SYDE2: variants seen among roughly 807,000 people sequenced by gnomAD.
SYDE2 encodes synapse defective Rho GTPase homolog 2, also known as rho GTPase-activating protein SYDE2.
SYDE2 carries 76 observed loss-of-function variants against 91.5 expected under a neutral mutation model. The ratio of observed to expected loss-of-function variants is 0.83; its 90% CI spans 0.69 to 1.01. The LOEUF (loss-of-function observed/expected upper bound fraction) is 1.01, where lower values mean the gene tolerates loss of function less well. Among genes scored for constraint, SYDE2 ranks in the 50% least tolerant of loss-of-function variants. SYDE2 has a pLI of 0.00. For missense variants in SYDE2, 1,364 were observed against 1,367.7 expected (o/e 1.00, Z 0.04); for synonymous variants, 513 against 506.4 (o/e 1.01, Z -0.18).
intron 4 of SYDE2, among the ~76,000 whole-genome samples, chr1:85,176,439 C>T (rs1169307130): frequency 1.3e-5 from 2 of 152,116 alleles, no homozygotes; most frequent in East Asian, 1.9e-4. Context: ...GATGAAAATA[C>T]AGTCATTCAG....
At chr1:85,171,157 G>A (rs1657494456) in intron 4 of SYDE2, among the ~76,000 whole-genome samples, 1 of 152,084 alleles carries the variant, frequency 6.6e-6, no homozygotes, top group African/African-American at 2.4e-5. Context: ...GGGCATTCAA[G>A]GCTGCTGGAT....
chr1:85,189,837 AAAAAT>A (rs973521243), intron 2 of SYDE2, among the ~76,000 whole-genome samples: 53 of 152,344 alleles, frequency 3.5e-4, no homozygotes, highest in African/African-American at 1.3e-3. Context: ...CCTTTCTCAA[AAAAAT>A]AAAATAAAAA....
chr1:85,197,412 T>C (rs1355238708), intron 1 of SYDE2, among the ~76,000 whole-genome samples: 1 of 152,186 alleles, frequency 6.6e-6, no homozygotes, highest in Non-Finnish European at 1.5e-5. Flanking sequence ...AAATTCTAAA[T>C]GTAATTTTGA....
In SYDE2 at chr1:85,159,225, G is replaced by C. The variant is rs773957446; in HGVS notation, c.3110C>G (p.Ser1037Ter). The change falls in exon 7 of 7, where the codon TCA (serine) becomes TGA (stop). Residue 1037 changes from serine (S) to a stop codon, truncating the protein, a stop_gained. Transcript: ENST00000341460. LOFTEE classifies it high-confidence loss of function. ...CTGCTCTGGGAATAAATTGTCTGTT[G>C]ATTTTTTGACAGTTAAACGCTGCAC... ...WPVQRLTVKK[S>*]TDNLFPEQKS... 1.3e-6 allele frequency: 1 copy of C among 780,102 alleles called. No individual in the cohort carries two copies. Among genetic ancestry groups the C allele is most frequent in the Non-Finnish European group, 2.4e-6 (1 of 417,856 alleles). 48.3% of individuals were successfully genotyped at this position (780,102 alleles called of 1,614,324 possible).
intron 1 of SYDE2, 104 bp downstream of exon 1, chr1:85,200,148 T>C: frequency 1.3e-6 from 2 of 1,571,936 alleles, no homozygotes; most frequent in South Asian, 1.2e-5. Context: ...CCCGGTAACG[T>C]ACCTGTCGCA....
At chr1:85,154,917 G>C (rs561580335), downstream of SYDE2, among the ~76,000 whole-genome samples, 1 of 148,662 alleles carries the variant, frequency 6.7e-6, no homozygotes, top group East Asian at 2.0e-4. Context: ...AGGACTCCTA[G>C]TTTCTCTCCC....
chr1:85,158,898 C>A lies in SYDE2; in HGVS notation c.3437G>T (p.Cys1146Phe), dbSNP rs1168392039. 1 of 780,190 alleles carries A rather than the reference C, an allele frequency of 1.3e-6. No homozygotes were observed. The highest frequency in any genetic ancestry group is 1.7e-5 in the African/African-American group (1 of 59,096). 48.3% of individuals were successfully genotyped at this position (780,190 alleles called of 1,614,324 possible). Residue 1146 changes from cysteine to phenylalanine, a missense_variant, in exon 7 of 7, where the codon TGT (cysteine) becomes TTT (phenylalanine). Cys to Phe is a radical substitution (Grantham distance 205, BLOSUM62 -2). Transcript: ENST00000341460. ...CATTGTCAAATATGTCTGAAATGTACACTCTTTGGACATGGGAATTGGCTG... is the reference window on the plus strand; with the variant it reads ...CATTGTCAAATATGTCTGAAATGTAAACTCTTTGGACATGGGAATTGGCTG... ...IEQPIPMSKECTFQTYLTMQT... is the reference protein window; with the variant it reads ...IEQPIPMSKEFTFQTYLTMQT...
intron 2 of SYDE2, among the ~76,000 whole-genome samples, chr1:85,184,391 C>A (rs1294623798): frequency 6.6e-6 from 1 of 152,118 alleles, no homozygotes; most frequent in Non-Finnish European, 1.5e-5. Flanking sequence ...ATGAAGATCA[C>A]TGCAATAGCA....
At chr1:85,183,718 A>G (rs575742188) in intron 2 of SYDE2, among the ~76,000 whole-genome samples, 1 of 151,510 alleles carries the variant, frequency 6.6e-6, no homozygotes, top group African/African-American at 2.5e-5. Flanking sequence ...CCCTTGTACT[A>G]AAATTATAGT....
chr1:85,174,233 G>C (rs760498148), intron 4 of SYDE2, among the ~76,000 whole-genome samples: 1 of 152,300 alleles, frequency 6.6e-6, no homozygotes. Flanking sequence ...GCCTCTCAGT[G>C]AGTAGAAAGA....
chr1:85,194,720 G>T, intron 1 of SYDE2: 1 of 599,544 alleles, frequency 1.7e-6, no homozygotes, highest in Non-Finnish European at 2.1e-6. Flanking sequence ...ATTCCACACA[G>T]TGGTGAACTA....
chr1:85,196,786 T>TA (rs961990008), intron 1 of SYDE2, among the ~76,000 whole-genome samples: 14 of 152,060 alleles, frequency 9.2e-5, no homozygotes, highest in African/African-American at 3.1e-4. Context: ...TTCATAAAGA[T>TA]AAAAAATCAG....
intron 1 of SYDE2, among the ~76,000 whole-genome samples, chr1:85,195,270 A>C (rs1011521119): frequency 2.0e-5 from 3 of 152,304 alleles, no homozygotes; most frequent in African/African-American, 7.2e-5. Flanking sequence ...AATCCCAAAT[A>C]AAAGTATCTT....
Position 85,182,231 on chromosome 1 carries a change from CCA to C in SYDE2, c.2409_2410del (p.His803GlnfsTer14), listed in dbSNP as rs1192098711. On this transcript the variant is annotated frameshift_variant, in exon 3 of 7. Coordinates refer to ENST00000341460, the MANE Select transcript of SYDE2 (RefSeq NM_032184.2). LOFTEE classifies it high-confidence loss of function. ...TATTGGTTCTTGGTTTATATCTAGTCCATGAAGAGAATTCTCCCACTGTTCCA... is the reference window on the plus strand; with the variant it reads ...TATTGGTTCTTGGTTTATATCTAGTCTGAAGAGAATTCTCCCACTGTTCCA... 2 of 1,609,620 alleles carry C rather than the reference CCA, an allele frequency of 1.2e-6. No homozygotes were observed. The highest frequency in any genetic ancestry group is 2.2e-5 in the South Asian group (2 of 89,948).
At chr1:85,198,487 G>A (rs1658685821) in intron 1 of SYDE2, among the ~76,000 whole-genome samples, 1 of 152,054 alleles carries the variant, frequency 6.6e-6, no homozygotes, top group Non-Finnish European at 1.5e-5. Flanking sequence ...TAACATCTGA[G>A]AGTTGTTTAA....
intron 6 of SYDE2, among the ~76,000 whole-genome samples, 200 bp from the exon 7 acceptor site, chr1:85,159,449 G>A (rs550764816): frequency 2.6e-5 from 4 of 152,154 alleles, no homozygotes; most frequent in Admixed American, 1.3e-4. Flanking sequence ...GCAGTATAAC[G>A]TTCCATGGTG....
chr1:85,158,788 G>A lies in SYDE2; in HGVS notation c.3547C>T (p.Arg1183Cys), dbSNP rs374352373. ...SIDTLIGNLE[R>C]ELNKNKLNMS... ...TTAAGCTTGTTTTTGTTGAGCTCAC[G>A]TTCCAGATTTCCAATCAAAGTATCA... The change falls in exon 7 of 7, where the codon CGT becomes TGT. Residue 1183 changes from arginine (R) to cysteine (C), a missense_variant. By Grantham distance (180) the Arg-to-Cys change is radical. Transcript: ENST00000341460. The A allele has an allele frequency of 2.9e-5, 22 of 760,452 alleles. No individual in the cohort carries two copies. In the African/African-American group the frequency reaches 3.3e-4, roughly 11 times the overall value. 47.1% of individuals were successfully genotyped at this position (760,452 alleles called of 1,614,324 possible).
At position 85,200,686 on chromosome 1, in the gene SYDE2, CTCGGCCACCGCTGGAA is replaced by C; in HGVS notation, c.295_310del (p.Phe99AlafsTer63). The stretch of plus-strand genomic sequence containing the variant: ...CGCGCCGCACCTGATCCAGCTGTCG[CTCGGCCACCGCTGGAA>C]GGGAGGCGGCTTGGCACCCACCCGG... On this transcript the variant is annotated frameshift_variant, in exon 1 of 7. Transcript: ENST00000341460. LOFTEE classifies it high-confidence loss of function. 6.5e-7 allele frequency: 1 copy of C among 1,537,158 alleles called. No individual in the cohort carries two copies. The highest frequency in any genetic ancestry group is 8.7e-7 in the Non-Finnish European group (1 of 1,146,950).
At chr1:85,190,845 A>G in intron 1 of SYDE2, 93 bp from the exon 2 acceptor site, 1 of 1,016,774 alleles carries the variant, frequency 9.8e-7, no homozygotes, top group Non-Finnish European at 1.4e-6. Context: ...AAATTTTTTT[A>G]AACAAAAAGT....
Sources: allele counts gnomAD v4.1 joint callset (sites outside exome capture counted in the v4.1 genomes callset), GRCh38; gene constraint gnomAD v4.1.1; transcripts MANE v1.5; gene names NCBI Gene and HGNC (gene_info 2026-07-23, HGNC 2026-07-21).